The following FRK variants were observed in gnomAD, a reference collection of about 807,000 sequenced individuals.
FRK encodes the protein fyn related Src family tyrosine kinase.
FRK carries 51 observed loss-of-function variants against 56.4 expected under a neutral mutation model. The observed-to-expected ratio is 0.90, with a 90% CI of 0.72 to 1.14. The LOEUF (loss-of-function observed/expected upper bound fraction) is 1.14. Ranked by LOEUF, FRK falls within the 50% of genes most tolerant of loss-of-function variation. The pLI is 0.00. For synonymous variants in FRK, 245 were observed against 217.9 expected, an observed-to-expected ratio of 1.12 and a Z score of -1.10; for missense variants, 570 against 601.4, an observed-to-expected ratio of 0.95 and a Z score of 0.55.
At chr6:116,028,147 T>C (rs1168397297) in intron 1 of FRK, among the ~76,000 whole-genome samples, 2 of 152,162 alleles carry the variant, frequency 1.3e-5, no homozygotes, top group Non-Finnish European at 2.9e-5. Flanking sequence ...GCAATTTAAC[T>C]CAGTTTTGAT....
In FRK at chr6:115,940,718, CAT is replaced by C. The variant is rs1163453659; in HGVS notation, c.*1694_*1695del. On this transcript the variant is annotated 3_prime_UTR_variant, in exon 8 of 8. Coordinates refer to ENST00000606080, the MANE Select transcript of FRK (RefSeq NM_002031.3). The stretch of plus-strand genomic sequence containing the variant: ...AGAAGATATTTATGCAGCCAACAGA[CAT>C]ATGAAAAAAAGCTCATCATCTGATC... 9 of 152,094 alleles carry C rather than the reference CAT, an allele frequency of 5.9e-5. No homozygotes were observed. Among genetic ancestry groups the C allele is most frequent in the African/African-American group, 2.2e-4 (9 of 41,416 alleles). The allele number at this position is 152,094 out of a possible 1,614,324, so 9.4% of individuals were successfully genotyped here. A position where few individuals can be genotyped will look rare whatever the true frequency, so the allele number is the denominator to read the frequency against.
Position 116,036,436 on chromosome 6 carries a change from A to T in FRK, c.344+23532T>A, listed in dbSNP as rs142847865. On this transcript the variant is annotated intron_variant, in intron 1 of 7. Transcript: ENST00000606080. ...ATTACAGCAAACAAAAGTTGGTAAA[A>T]TATAATGTTACATTGATAACAGAAA... Among the ~76,000 whole-genome samples, 143 of 152,308 alleles carry T rather than the reference A, an allele frequency of 9.4e-4. 1 individual carries two copies. Among genetic ancestry groups the T allele is most frequent in the Non-Finnish European group, 7.1e-4 (48 of 67,976 alleles).
At chr6:116,043,957 C>T (rs1776836181) in intron 1 of FRK, among the ~76,000 whole-genome samples, 1 of 152,126 alleles carries the variant, frequency 6.6e-6, no homozygotes, top group Admixed American at 6.6e-5. Context: ...CTATAAACAC[C>T]TCTACACAAA....
At chr6:116,040,378 CTATA>C (rs1393838227) in intron 1 of FRK, among the ~76,000 whole-genome samples, 1 of 152,006 alleles carries the variant, frequency 6.6e-6, no homozygotes, top group Admixed American at 6.5e-5. Flanking sequence ...AGTATAAAAT[CTATA>C]ATACTCAAAT....
At chr6:116,013,266 T>G (rs1294214724) in intron 1 of FRK, among the ~76,000 whole-genome samples, 1 of 152,138 alleles carries the variant, frequency 6.6e-6, no homozygotes, top group Non-Finnish European at 1.5e-5. Flanking sequence ...ACAAGAAGTT[T>G]ACAAAGAATA....
the FRK span, among the ~76,000 whole-genome samples, chr6:116,075,465 GAA>G: frequency 6.2e-3 from 852 of 136,416 alleles, 3 homozygotes; most frequent in African/African-American, 0.013. Context: ...AGAGCTGGGG[GAA>G]AAAAAAAAAA....
chr6:115,970,624 C>T lies in FRK; in HGVS notation c.467-1885G>A, dbSNP rs1014326680. Among the ~76,000 whole-genome samples the T allele has an allele frequency of 1.6e-4, 24 of 152,148 alleles. 1 individual carries two copies. Among genetic ancestry groups the T allele is most frequent in the African/African-American group, 5.1e-4 (21 of 41,446 alleles). ...TATTAAAAAGCAAGGCTAAGCTGGGCGTGGTGGCTCACGCCTTTAGTCACA... is the reference window on the plus strand; with the variant it reads ...TATTAAAAAGCAAGGCTAAGCTGGGTGTGGTGGCTCACGCCTTTAGTCACA... On this transcript the variant is annotated intron_variant, in intron 2 of 7. Coordinates refer to ENST00000606080, the MANE Select transcript of FRK (RefSeq NM_002031.3).
intron 1 of FRK, among the ~76,000 whole-genome samples, chr6:116,014,386 T>C (rs1470078438): frequency 6.6e-6 from 1 of 152,030 alleles, no homozygotes; most frequent in Non-Finnish European, 1.5e-5. Flanking sequence ...TAGTAGGAAA[T>C]TAACCATAGG....
intron 5 of FRK, 27 bp downstream of exon 5, chr6:115,956,425 T>C: frequency 2.7e-6 from 4 of 1,466,630 alleles, no homozygotes; most frequent in Non-Finnish European, 3.6e-6. Context: ...TTCCTCTTTT[T>C]TTCCTTGTAT....
At chr6:115,982,326 C>G (rs1049899309) in intron 2 of FRK, among the ~76,000 whole-genome samples, 1 of 152,128 alleles carries the variant, frequency 6.6e-6, no homozygotes, top group Non-Finnish European at 1.5e-5. Context: ...CCATTGCCAG[C>G]CTTTCTGGGT....
chr6:116,048,734 A>G (rs1037444841), intron 1 of FRK, among the ~76,000 whole-genome samples: 1 of 152,102 alleles, frequency 6.6e-6, no homozygotes, highest in African/African-American at 2.4e-5. Context: ...CTCCTCTTCT[A>G]CATCTAATTT....
In FRK at chr6:115,965,049, G is replaced by C. The variant is rs1229614674; in HGVS notation, c.799+2502C>G. On this transcript the variant is annotated intron_variant, in intron 4 of 7. Coordinates refer to ENST00000606080, the MANE Select transcript of FRK (RefSeq NM_002031.3). ...GCAACAAAAGCCAAAATTGACAAATGGGATCTAATTAAACTAAAGAGCTTC... is the reference window on the plus strand; with the variant it reads ...GCAACAAAAGCCAAAATTGACAAATCGGATCTAATTAAACTAAAGAGCTTC... Among the ~76,000 whole-genome samples the C allele has an allele frequency of 4.6e-4, 3 of 6,456 alleles. 1 individual carries two copies. Among genetic ancestry groups the C allele is most frequent in the African/African-American group, 5.9e-4 (3 of 5,050 alleles). 4.2% of individuals were successfully genotyped at this position (6,456 alleles called of 152,430 possible). A position where few individuals can be genotyped will look rare whatever the true frequency, so the allele number is the denominator to read the frequency against.
At chr6:115,990,713 T>G (rs1235706208) in intron 2 of FRK, among the ~76,000 whole-genome samples, 6 of 152,008 alleles carry the variant, frequency 3.9e-5, no homozygotes, top group Non-Finnish European at 7.4e-5. Flanking sequence ...ATGTGATGCC[T>G]CCAACTTTGT....
At chr6:116,097,643 A>G in the FRK span, among the ~76,000 whole-genome samples, 12 of 152,378 alleles carry the variant, frequency 7.9e-5, no homozygotes, top group African/African-American at 2.4e-4. Context: ...AAGCAGATCA[A>G]TTGTAATAAT....
At chr6:116,099,035 A>G in the FRK span, among the ~76,000 whole-genome samples, 1 of 152,198 alleles carries the variant, frequency 6.6e-6, no homozygotes, top group African/African-American at 2.4e-5. Context: ...GAATATATAT[A>G]ATTTGTTAAT....
At chr6:115,950,053 A>G (rs1208002777) in intron 5 of FRK, among the ~76,000 whole-genome samples, 1 of 152,194 alleles carries the variant, frequency 6.6e-6, no homozygotes, top group Non-Finnish European at 1.5e-5. Context: ...AAAGATTTAA[A>G]CATAAGAACT....
chr6:116,009,077 A>G (rs536111355), intron 1 of FRK, among the ~76,000 whole-genome samples: 13 of 152,302 alleles, frequency 8.5e-5, no homozygotes, highest in Non-Finnish European at 1.5e-4. Context: ...AACAAAAAAA[A>G]ACAGAAGTGA....
At position 115,934,601 on chromosome 6, in the gene FRK, C is replaced by T. The variant is rs1278662125; in HGVS notation, c.*7813G>A. 6.6e-6 allele frequency: 1 copy of T among 152,196 alleles called. No homozygotes were observed. Among genetic ancestry groups the T allele is most frequent in the African/African-American group, 2.4e-5 (1 of 41,452 alleles). The allele number at this position is 152,196 out of a possible 1,614,324, so 9.4% of individuals were successfully genotyped here. On this transcript the variant is annotated 3_prime_UTR_variant, in exon 8 of 8. Coordinates refer to ENST00000606080, the MANE Select transcript of FRK (RefSeq NM_002031.3). The stretch of plus-strand genomic sequence containing the variant: ...GATATTGTGCCTGGAGCCCTCCCTA[C>T]TTCCTGTCTCCCAGTTAAAAGAGTT...
chr6:116,047,024 CAT>C (rs960217185), intron 1 of FRK, among the ~76,000 whole-genome samples: 20 of 150,650 alleles, frequency 1.3e-4, no homozygotes, highest in African/African-American at 4.9e-4. Context: ...TCATGAGTTA[CAT>C]ATATATATGT....
Sources: gnomAD v4.1 joint callset for allele counts (sites outside exome capture counted in the v4.1 genomes callset) on GRCh38, gnomAD v4.1.1 for gene constraint, MANE v1.5 for transcripts, NCBI Gene and HGNC (gene_info 2026-07-23, HGNC 2026-07-21) for gene names.